Variants in KCNC4 observed in about 807,000 individuals in gnomAD.
KCNC4 encodes voltage-gated potassium channel KCNC4.
In KCNC4, 23 loss-of-function variants were observed where a neutral mutation model predicts 42.8. That is an observed-to-expected ratio of 0.54 (90% CI 0.39 to 0.76). The LOEUF (loss-of-function observed/expected upper bound fraction) is 0.76, where lower values mean the gene tolerates loss of function less well. Among genes scored for constraint, KCNC4 ranks in the 30% least tolerant of loss-of-function variants. KCNC4 has a pLI of 0.00. For synonymous variants in KCNC4, 422 were observed against 393.5 expected (o/e 1.07, Z -0.86); for missense variants, 751 against 898.2 (o/e 0.84, Z 2.10).
chr1:110,232,991 G>GAGACAGGC lies in KCNC4; in HGVS notation c.*26_*33dup. ...CTCTTAAAGCGGCACCAACGTGAGA[G>GAGACAGGC]AGACAGGCAGACAGACAGAAAGCCA... On this transcript the variant is annotated 3_prime_UTR_variant, in exon 4 of 4. Transcript: ENST00000438661. 10 of 1,607,442 alleles carry GAGACAGGC rather than the reference G, an allele frequency of 6.2e-6. No homozygotes were observed. In the South Asian group the frequency reaches 1.0e-4, roughly 16 times the overall value.
At position 110,223,295 on chromosome 1, in the gene KCNC4, A is replaced by G. The variant is rs1462805062; in HGVS notation, c.1010A>G (p.Lys337Arg). Reference sequence around the variant, plus strand: ...GTGGGGCTGAGCGGCCTGTCATCCAAGGCGGCCCGCGACGTGCTGGGCTTC... The same window carrying G: ...GTGGGGCTGAGCGGCCTGTCATCCAGGGCGGCCCGCGACGTGCTGGGCTTC... Reference protein sequence around the residue: ...LEVGLSGLSSKAARDVLGFLR... With the variant: ...LEVGLSGLSSRAARDVLGFLR... The change falls in exon 2 of 4, where the codon AAG becomes AGG. Residue 337 changes from lysine to arginine, a missense_variant. Lys to Arg is a conservative substitution (Grantham distance 26). Coordinates refer to ENST00000438661, the MANE Select transcript of KCNC4 (RefSeq NM_001039574.3). This position sits in a 1 kb window ranked among gnomAD's most constrained non-coding sequence, Gnocchi z 7.5. The G allele has an allele frequency of 6.2e-7, 1 of 1,613,984 alleles. No individual in the cohort carries two copies. The highest frequency in any genetic ancestry group is 1.3e-5 in the African/African-American group (1 of 74,908).
chr1:110,232,090 A>G, intron 3 of KCNC4: 1 of 781,574 alleles, frequency 1.3e-6, no homozygotes, highest in Non-Finnish European at 2.1e-6. Flanking sequence ...CTGTGCTCCC[A>G]CTGGTAAGGT....
chr1:110,272,157 G>A (rs892091757), intron 1 of KCNC4, among the ~76,000 whole-genome samples: 7 of 152,190 alleles, frequency 4.6e-5, no homozygotes, highest in African/African-American at 7.2e-5. Context: ...TGTGTTCTAT[G>A]TGACCATCCA....
rs569780320 is a variant in KCNC4 at position 110,255,411 on chromosome 1, C to T, written n.31-27123C>T. Among the ~76,000 whole-genome samples the T allele has an allele frequency of 7.0e-4, 107 of 152,286 alleles. 1 individual carries two copies. In the South Asian group the frequency reaches 0.02, roughly 29 times the overall value. Reference sequence around the variant, plus strand: ...CAACACCCTACTCCATGTCCCCAGGCACAAGTTGCCAAAGATAACTAATAT... The same window carrying T: ...CAACACCCTACTCCATGTCCCCAGGTACAAGTTGCCAAAGATAACTAATAT... On this transcript the variant is annotated intron_variant and non_coding_transcript_variant, in intron 1 of 2. Transcript: ENST00000412512.
chr1:110,283,795 A>C (rs751853717), downstream of KCNC4, among the ~76,000 whole-genome samples: 2 of 152,210 alleles, frequency 1.3e-5, no homozygotes, highest in Non-Finnish European at 2.9e-5. Flanking sequence ...AAATGACTGA[A>C]GTCCCAGGTT....
chr1:110,250,477 C>A (rs536556502), downstream of KCNC4, among the ~76,000 whole-genome samples: 1 of 152,308 alleles, frequency 6.6e-6, no homozygotes, highest in East Asian at 1.9e-4. Flanking sequence ...ACTGCACAAG[C>A]CTGGGCCATT....
intron 1 of KCNC4, among the ~76,000 whole-genome samples, chr1:110,218,531 A>T (rs941243872): frequency 2.0e-5 from 3 of 151,980 alleles, no homozygotes; most frequent in African/African-American, 7.3e-5. Flanking sequence ...ACCACCTGAC[A>T]TACTGTGTAT....
At position 110,223,119 on chromosome 1, in the gene KCNC4, G is replaced by T. The variant is rs141973265; in HGVS notation, c.834G>T (p.Glu278Asp). The change falls in exon 2 of 4, where the codon GAG becomes GAT. Residue 278 changes from glutamate (E) to aspartate (D), a missense_variant. By Grantham distance (45) the Glu-to-Asp change is conservative. Around this residue, in one of 4 missense-constraint regions of KCNC4, gnomAD observed 181 missense variants for 167.3 expected, o/e 1.08. Transcript: ENST00000438661. This position sits in a 1 kb window ranked among gnomAD's most constrained non-coding sequence, Gnocchi z 7.5. The stretch of plus-strand genomic sequence containing the variant: ...ACTTCCGGCGGGAGGTAGAGACAGA[G>T]CCCATCCTGACCTACATCGAGGGCG... ...SVHFRREVET[E>D]PILTYIEGVC... The T allele has an allele frequency of 5.9e-5, 95 of 1,614,230 alleles. No individual in the cohort carries two copies. The African/African-American group carries it at 1.2e-3, about 20-fold the overall frequency.
chr1:110,223,370 G>T lies in KCNC4; in HGVS notation c.1085G>T (p.Arg362Leu), dbSNP rs779963498. The T allele has an allele frequency of 6.2e-7, 1 of 1,613,724 alleles. No homozygotes were observed. Residue 362 changes from arginine to leucine, a missense_variant, in exon 2 of 4, where the codon CGC becomes CTC. Arg to Leu is a moderately radical substitution (Grantham distance 102). Around this residue, in one of 4 missense-constraint regions of KCNC4, gnomAD observed 185 missense variants for 293.7 expected, o/e 0.63. Coordinates refer to ENST00000438661, the MANE Select transcript of KCNC4 (RefSeq NM_001039574.3). This position sits in a 1 kb window ranked among gnomAD's most constrained non-coding sequence, Gnocchi z 7.5. ...VRILRIFKLTRHFVGLRVLGH... is the reference protein window; with the variant it reads ...VRILRIFKLTLHFVGLRVLGH... Reference sequence around the variant, plus strand: ...ATCCTGCGTATCTTCAAGCTCACACGCCACTTCGTGGGGCTACGCGTGCTG... The same window carrying T: ...ATCCTGCGTATCTTCAAGCTCACACTCCACTTCGTGGGGCTACGCGTGCTG...
At chr1:110,214,260 T>G (rs1031857349) in intron 1 of KCNC4, among the ~76,000 whole-genome samples, 4 of 152,192 alleles carry the variant, frequency 2.6e-5, no homozygotes, top group African/African-American at 9.7e-5. Context: ...TTCAGAGACA[T>G]TAAGTTTCTT....
chr1:110,260,398 G>A (rs1349073269), intron 1 of KCNC4, among the ~76,000 whole-genome samples: 1 of 152,156 alleles, frequency 6.6e-6, no homozygotes, highest in Non-Finnish European at 1.5e-5. Context: ...CATCTATCAG[G>A]TTTCAGGTTT....
intron 1 of KCNC4, among the ~76,000 whole-genome samples, chr1:110,277,735 T>C (rs1659750140): frequency 1.3e-5 from 2 of 152,218 alleles, no homozygotes; most frequent in African/African-American, 2.4e-5. Context: ...TCCAATTAAA[T>C]GTAGGCTAAC....
In KCNC4 at chr1:110,211,661, G is replaced by A. The variant is rs1182424451; in HGVS notation, c.162G>A (p.Leu54=). 6.2e-7 allele frequency: 1 copy of A among 1,613,240 alleles called. No individual in the cohort carries two copies. Among genetic ancestry groups the A allele is most frequent in the African/African-American group, 1.3e-5 (1 of 74,934 alleles). ...GACATGAGACCTACCGCAGCACCCT[G>A]CGCACCCTACCGGGAACCCGCCTCG... is the stretch of plus-strand genomic sequence containing the variant. The part of the protein sequence containing the change: ...GTRHETYRST[L]RTLPGTRLAW... The change falls in exon 1 of 4, where the codon CTG becomes CTA. Residue 54 remains leucine (L), a synonymous_variant. Transcript: ENST00000438661. This position sits in a 1 kb window ranked among gnomAD's most constrained non-coding sequence, Gnocchi z 6.5.
chr1:110,226,339 G>T, intron 3 of KCNC4, 161 bp downstream of exon 3: 1 of 661,186 alleles, frequency 1.5e-6, no homozygotes, highest in Non-Finnish European at 2.7e-6. Flanking sequence ...TGATCTCCCA[G>T]TCCCTGGATT....
downstream of KCNC4, among the ~76,000 whole-genome samples, chr1:110,253,798 AG>A (rs1659282431): frequency 6.6e-6 from 1 of 152,210 alleles, no homozygotes; most frequent in Non-Finnish European, 1.5e-5. Flanking sequence ...CAGAAGTCAG[AG>A]GGCAGGGGTG....
At chr1:110,263,312 G>A (rs1330776483) in intron 1 of KCNC4, among the ~76,000 whole-genome samples, 5 of 150,808 alleles carry the variant, frequency 3.3e-5, no homozygotes, top group Admixed American at 6.6e-5. Flanking sequence ...TTTGGTGCAT[G>A]AGGCATGCTT....
intron 1 of KCNC4, among the ~76,000 whole-genome samples, chr1:110,216,159 G>A (rs564567952): frequency 3.3e-5 from 5 of 152,336 alleles, no homozygotes; most frequent in Admixed American, 6.5e-5. Context: ...CTGCCTGCCC[G>A]CTTCTGAAGT....
At chr1:110,280,395 G>A (rs1659801197) in intron 1 of KCNC4, among the ~76,000 whole-genome samples, 1 of 152,122 alleles carries the variant, frequency 6.6e-6, no homozygotes. Context: ...GACTCTGGGG[G>A]AGGGAGTGGC....
At chr1:110,217,233 G>C (rs1388729571) in intron 1 of KCNC4, among the ~76,000 whole-genome samples, 1 of 152,160 alleles carries the variant, frequency 6.6e-6, no homozygotes, top group Non-Finnish European at 1.5e-5. Context: ...AGTTCAATAG[G>C]AAGTGAGAGG....
Sources: allele counts gnomAD v4.1 joint callset (sites outside exome capture counted in the v4.1 genomes callset), GRCh38; gene constraint gnomAD v4.1.1; regional missense constraint gnomAD v4.1.1; non-coding constraint Gnocchi (gnomAD v3.1); transcripts MANE v1.5; gene names NCBI Gene and HGNC (gene_info 2026-07-23, HGNC 2026-07-21).